Variants in NUP214 observed in about 807,000 individuals in gnomAD.
NUP214 encodes the protein nucleoporin 214.
Under a neutral mutation model 196.2 loss-of-function variants are expected in NUP214, and 79 were observed. The observed-to-expected ratio is 0.40, with a 90% CI of 0.34 to 0.49. The LOEUF is 0.49. Ranked by LOEUF, NUP214 falls within the 20% of genes least tolerant of loss-of-function variation. The pLI, the probability that NUP214 is intolerant of heterozygous loss-of-function variation, is 0.58. For missense variants in NUP214, 2,468 were observed against 2,539.0 expected, an observed-to-expected ratio of 0.97 and a Z score of 0.60; for synonymous variants, 1,020 against 990.5, an observed-to-expected ratio of 1.03 and a Z score of -0.56.
rs575336653 is a variant in NUP214 at position 131,198,816 on chromosome 9, C to T, written c.5322C>T (p.Ala1774=). ...PTSTSGSVFG[A]ASSTSSSSSF... is the part of the protein sequence containing the mutation. ...CCACCAGTGGAAGTGTCTTTGGTGC[C>T]GCCTCAAGTACCAGTAGCTCCAGTT... Residue 1774 remains alanine, a synonymous_variant, in exon 29 of 36, where the codon GCC becomes GCT. Coordinates refer to ENST00000359428, the MANE Select transcript of NUP214 (RefSeq NM_005085.4). 1.4e-5 allele frequency: 22 copies of T among 1,614,174 alleles called. No homozygotes were observed. Among genetic ancestry groups the T allele is most frequent in the Middle Eastern group, 3.3e-4 (2 of 6,062 alleles).
chr9:131,127,564 A>G lies in NUP214; in HGVS notation c.86A>G (p.Asp29Gly), dbSNP rs1379338905. The G allele has an allele frequency of 1.3e-5, 21 of 1,613,340 alleles. No individual in the cohort carries two copies. The East Asian group carries it at 4.7e-4, about 36-fold the overall frequency. ...FRALKKVRIF[D>G]SPEELPKERS... ...GCGCTAAAGAAGGTGAGAATCTTTG[A>G]CTCCCCTGAGGAATTGCCCAAGGAA... is the stretch of plus-strand genomic sequence containing the variant. Residue 29 changes from aspartate to glycine, a missense_variant, in exon 2 of 36, where the codon GAC becomes GGC. Transcript: ENST00000359428.
chr9:131,213,432 C>T (rs1834302953), intron 30 of NUP214, among the ~76,000 whole-genome samples: 1 of 152,130 alleles, frequency 6.6e-6, no homozygotes. Context: ...GCCTCGGCCT[C>T]CCAAAGTGCT....
chr9:131,133,219 T>C lies in NUP214; in HGVS notation c.831+10T>C. 6.8e-7 allele frequency: 1 copy of C among 1,469,422 alleles called. No homozygotes were observed. Among genetic ancestry groups the C allele is most frequent in the Non-Finnish European group, 9.1e-7 (1 of 1,097,416 alleles). 91.0% of individuals were successfully genotyped at this position (1,469,422 alleles called of 1,614,324 possible). A position where few individuals can be genotyped will look rare whatever the true frequency, so the allele number is the denominator to read the frequency against. ...GATGGCTCTACTACCGGTATGCCTGTGGAAGAAATTTCATTGTTTGAGAAT... is the reference window on the plus strand; with the variant it reads ...GATGGCTCTACTACCGGTATGCCTGCGGAAGAAATTTCATTGTTTGAGAAT... On this transcript the variant is annotated intron_variant, in intron 7 of 35. Coordinates refer to ENST00000359428, the MANE Select transcript of NUP214 (RefSeq NM_005085.4).
At chr9:131,196,188 C>T (rs765792557) in intron 28 of NUP214, among the ~76,000 whole-genome samples, 2 of 152,046 alleles carry the variant, frequency 1.3e-5, no homozygotes, top group Non-Finnish European at 2.9e-5. Flanking sequence ...GATGGAGTCT[C>T]ACTGTTGTCA....
rs769015948 is a variant in NUP214, at chr9:131,133,135, G to A, written c.757G>A (p.Val253Ile). The change falls in exon 7 of 36, where the codon GTC (valine) becomes ATC (isoleucine). Residue 253 changes from valine (V) to isoleucine (I), a missense_variant. Val to Ile is a conservative substitution (Grantham distance 29). Around this residue, in one of 5 missense-constraint regions of NUP214, gnomAD observed 392 missense variants for 417.9 expected, o/e 0.94. Coordinates refer to ENST00000359428, the MANE Select transcript of NUP214 (RefSeq NM_005085.4). ...GGATGTGCTGTGGATTGGTACCTACGTCTTCGCCATAGTGTATGCTGCTGC... is the reference window on the plus strand; with the variant it reads ...GGATGTGCTGTGGATTGGTACCTACATCTTCGCCATAGTGTATGCTGCTGC... ...VLDVLWIGTYVFAIVYAAADG... is the reference protein window; with the variant it reads ...VLDVLWIGTYIFAIVYAAADG... The A allele has an allele frequency of 4.3e-6, 7 of 1,610,970 alleles. No homozygotes were observed. The highest frequency in any genetic ancestry group is 5.9e-6 in the Non-Finnish European group (7 of 1,179,128).
At chr9:131,141,882 C>G (rs1027637431) in intron 11 of NUP214, 12 of 151,950 alleles carry the variant, frequency 7.9e-5, no homozygotes, top group African/African-American at 1.4e-4. Context: ...CAATTTTTTT[C>G]TTCTATTATG....
chr9:131,125,602 C>A lies in NUP214; in HGVS notation c.-103C>A, dbSNP rs1166037504. The A allele has an allele frequency of 1.3e-6, 2 of 1,548,452 alleles. No homozygotes were observed. Among genetic ancestry groups the A allele is most frequent in the African/African-American group, 1.4e-5 (1 of 73,052 alleles). Reference sequence around the variant, plus strand: ...CGGAAATGCGAGGTCAACTGCGCGCCGCTGGCGCTGAGGGGAGGAAGTTTG... The same window carrying A: ...CGGAAATGCGAGGTCAACTGCGCGCAGCTGGCGCTGAGGGGAGGAAGTTTG... On this transcript the variant is annotated 5_prime_UTR_variant, in exon 1 of 36. Coordinates refer to ENST00000359428, the MANE Select transcript of NUP214 (RefSeq NM_005085.4). The surrounding 1 kb of genome is among the most constrained non-coding windows in gnomAD (Gnocchi z 4.1).
chr9:131,189,682 C>A (rs571331091), intron 26 of NUP214, among the ~76,000 whole-genome samples: 36 of 152,260 alleles, frequency 2.4e-4, no homozygotes, highest in African/African-American at 6.7e-4. Flanking sequence ...CATAATTATT[C>A]TTAATTTAGT....
chr9:131,129,895 G>T (rs2133445020), intron 4 of NUP214, among the ~76,000 whole-genome samples: 1 of 152,180 alleles, frequency 6.6e-6, no homozygotes, highest in African/African-American at 2.4e-5. Flanking sequence ...GAGGCACTGT[G>T]CCCGGCTGAG....
rs757858544 is a variant in NUP214 at position 131,150,378 on chromosome 9, T to G, written c.2095T>G (p.Ser699Ala). Residue 699 changes from serine to alanine, a missense_variant, in exon 15 of 36, where the codon TCA becomes GCA. By Grantham distance (99) the Ser-to-Ala change is moderately conservative. This residue lies in a region of NUP214 where 1,801 missense variants were observed against 1,779.4 expected (regional missense o/e 1.01). Transcript: ENST00000359428. ...AAAGCAGGGACATCAGTGGAAAGAT[T>G]CAGATCCTGTAATGGCTGGAATTGG... The part of the protein sequence containing the change: ...AEKQGHQWKD[S>A]DPVMAGIGEE... 5 of 1,614,100 alleles carry G rather than the reference T, an allele frequency of 3.1e-6. No individual in the cohort carries two copies. Among genetic ancestry groups the G allele is most frequent in the Middle Eastern group, 1.6e-4 (1 of 6,084 alleles).
rs1426463385 is a variant in NUP214, at chr9:131,150,430, G to T, written c.2127+20G>T. ...GAGGAGGTAAATTTGTTTCCTGAGG[G>T]TGTTTTTCTGAAAGTAGCTGACAGA... is the stretch of plus-strand genomic sequence containing the variant. On this transcript the variant is annotated intron_variant, in intron 15 of 35. Coordinates refer to ENST00000359428, the MANE Select transcript of NUP214 (RefSeq NM_005085.4). 1.2e-6 allele frequency: 2 copies of T among 1,612,596 alleles called. No homozygotes were observed. Among genetic ancestry groups the T allele is most frequent in the Non-Finnish European group, 1.7e-6 (2 of 1,178,750 alleles).
In NUP214 at chr9:131,146,928, CAAAAA is replaced by C. The variant is rs562513502; in HGVS notation, c.1946-552_1946-548del. On this transcript the variant is annotated intron_variant, in intron 13 of 35. Coordinates refer to ENST00000359428, the MANE Select transcript of NUP214 (RefSeq NM_005085.4). This position sits in a 1 kb window ranked among gnomAD's most constrained non-coding sequence, Gnocchi z 4.6. ...CTGGCGACAGAGCGAGACTCTGTCT[CAAAAA>C]AAAAAAAAAGTACAGAGGAGAGAGT... Among the ~76,000 whole-genome samples the C allele has an allele frequency of 1.5e-5, 2 of 135,348 alleles. No homozygotes were observed. Among genetic ancestry groups the C allele is most frequent in the South Asian group, 4.6e-4 (2 of 4,336 alleles). The allele number at this position is 135,348 out of a possible 152,430, so 88.8% of individuals were successfully genotyped here. A position where few individuals can be genotyped will look rare whatever the true frequency, so the allele number is the denominator to read the frequency against.
chr9:131,228,453 G>A, intron 33 of NUP214, 122 bp downstream of exon 33: 1 of 920,808 alleles, frequency 1.1e-6, no homozygotes, highest in Non-Finnish European at 1.5e-6. Flanking sequence ...TGAAATTTGT[G>A]AACAACTCCC....
chr9:131,221,588 A>T (rs575038632), intron 31 of NUP214, among the ~76,000 whole-genome samples: 1 of 152,140 alleles, frequency 6.6e-6, no homozygotes. Flanking sequence ...AAATGATGTT[A>T]AGTGCTCCCC....
intron 32 of NUP214, among the ~76,000 whole-genome samples, chr9:131,224,003 G>T (rs1377496025): frequency 6.6e-6 from 1 of 151,308 alleles, no homozygotes; most frequent in African/African-American, 2.4e-5. Flanking sequence ...CAACGTGCTG[G>T]GATTACAGGC....
At chr9:131,224,339 C>T (rs1167997716) in intron 32 of NUP214, among the ~76,000 whole-genome samples, 1 of 152,132 alleles carries the variant, frequency 6.6e-6, no homozygotes, top group East Asian at 1.9e-4. Flanking sequence ...CTGAGATCTG[C>T]GGAGAGTCTG....
intron 30 of NUP214, among the ~76,000 whole-genome samples, chr9:131,212,652 T>C (rs1272872723): frequency 6.6e-6 from 1 of 152,218 alleles, no homozygotes; most frequent in Non-Finnish European, 1.5e-5. Flanking sequence ...GTCTAGAGGC[T>C]TGAGGAGAGT....
chr9:131,180,853 A>G (rs1163368848), intron 24 of NUP214, among the ~76,000 whole-genome samples: 1 of 152,190 alleles, frequency 6.6e-6, no homozygotes, highest in Non-Finnish European at 1.5e-5. Context: ...CATTCTTTCA[A>G]CAAATACTTA....
intron 32 of NUP214, among the ~76,000 whole-genome samples, chr9:131,226,077 G>T (rs1336057141): frequency 6.6e-6 from 1 of 152,116 alleles, no homozygotes; most frequent in Non-Finnish European, 1.5e-5. Flanking sequence ...TCCAGTCCCA[G>T]CTCTAGCACC....
Sources: gnomAD v4.1 joint callset for allele counts (sites outside exome capture counted in the v4.1 genomes callset) on GRCh38, gnomAD v4.1.1 for gene constraint, gnomAD v4.1.1 regional missense constraint, Gnocchi (gnomAD v3.1) non-coding constraint, MANE v1.5 for transcripts, NCBI Gene and HGNC (gene_info 2026-07-23, HGNC 2026-07-21) for gene names.